Variants in WDR5 observed in about 807,000 individuals in gnomAD.
WDR5 encodes the protein WD repeat domain 5, also known as WD repeat-containing protein 5.
For synonymous variants in WDR5, 144 were observed against 161.6 expected, an observed-to-expected ratio of 0.89 and a Z score of 0.83; for missense variants, 187 against 416.9, an observed-to-expected ratio of 0.45 and a Z score of 4.80.
rs990788617 is a variant in WDR5, at chr9:134,136,082, G to A, written c.-177G>A. Reference sequence around the variant, plus strand: ...CCCTCCCCTCGCGCACGCGCACTGCGCCCCCGCCGCCTGGCGCCCGCCCGA... The same window carrying A: ...CCCTCCCCTCGCGCACGCGCACTGCACCCCCGCCGCCTGGCGCCCGCCCGA... On this transcript the variant is annotated 5_prime_UTR_variant, in exon 1 of 14. Coordinates refer to ENST00000358625, the MANE Select transcript of WDR5 (RefSeq NM_017588.3). The A allele has an allele frequency of 2.3e-5, 3 of 133,274 alleles. No homozygotes were observed. Among genetic ancestry groups the A allele is most frequent in the Admixed American group, 8.1e-5 (1 of 12,366 alleles). The allele number at this position is 133,274 out of a possible 1,614,324, so 8.3% of individuals were successfully genotyped here. A position where few individuals can be genotyped will look rare whatever the true frequency, so the allele number is the denominator to read the frequency against.
chr9:134,159,616 T>C lies in WDR5; in HGVS notation c.*1623T>C, dbSNP rs77395038. On this transcript the variant is annotated 3_prime_UTR_variant, in exon 14 of 14. Coordinates refer to ENST00000358625, the MANE Select transcript of WDR5 (RefSeq NM_017588.3). The surrounding 1 kb of genome is among the most constrained non-coding windows in gnomAD (Gnocchi z 4.3). ...TCCTGTGGTTTCCCCTGCCCCTCTG[T>C]TTCCGATGAGGTGTACGGATGAGTG... 0.038 allele frequency: 5,793 copies of C among 152,336 alleles called. 347 individuals are homozygous for C. The highest frequency in any genetic ancestry group is 0.13 in the African/African-American group (5,425 of 41,540). 9.4% of individuals were successfully genotyped at this position (152,336 alleles called of 1,614,324 possible). A position where few individuals can be genotyped will look rare whatever the true frequency, so the allele number is the denominator to read the frequency against.
At chr9:134,147,670 T>A (rs1246377639) in intron 7 of WDR5, among the ~76,000 whole-genome samples, 3 of 152,176 alleles carry the variant, frequency 2.0e-5, no homozygotes, top group Non-Finnish European at 4.4e-5. Context: ...AGGAAATGTT[T>A]CAGCACCCAT....
In WDR5 at chr9:134,142,208, G is replaced by A. The variant is rs552367131; in HGVS notation, c.355-125G>A. 374 of 1,208,526 alleles carry A rather than the reference G, an allele frequency of 3.1e-4. 2 individuals are homozygous for A. In the South Asian group the frequency reaches 4.8e-3, roughly 16 times the overall value. 74.9% of individuals were successfully genotyped at this position (1,208,526 alleles called of 1,614,324 possible). A position where few individuals can be genotyped will look rare whatever the true frequency, so the allele number is the denominator to read the frequency against. On this transcript the variant is annotated intron_variant, in intron 5 of 13. Coordinates refer to ENST00000358625, the MANE Select transcript of WDR5 (RefSeq NM_017588.3). ...GGTGGGGGAGGCCGAGTTGACTTCG[G>A]GGAACAGCAAGTCACTGGCGGGGCA...
rs1217290456 is a variant in WDR5 at position 134,158,078 on chromosome 9, G to T, written c.*85G>T. 7.9e-7 allele frequency: 1 copy of T among 1,258,006 alleles called. No individual in the cohort carries two copies. The highest frequency in any genetic ancestry group is 2.3e-5 in the East Asian group (1 of 42,754). The allele number at this position is 1,258,006 out of a possible 1,614,324, so 77.9% of individuals were successfully genotyped here. A position where few individuals can be genotyped will look rare whatever the true frequency, so the allele number is the denominator to read the frequency against. On this transcript the variant is annotated 3_prime_UTR_variant, in exon 14 of 14. Transcript: ENST00000358625. ...AGGGTGTCTTGGAGGTGGTCCCCCA[G>T]ATCTGCGCCTGGGGGTCAGGACAGG...
chr9:134,139,955 C>G lies in WDR5; in HGVS notation c.78C>G (p.Ser26Arg). 1.2e-6 allele frequency: 2 copies of G among 1,613,760 alleles called. No individual in the cohort carries two copies. The highest frequency in any genetic ancestry group is 1.7e-6 in the Non-Finnish European group (2 of 1,180,016). ...QPTPSSSATQ[S>R]KPTPVKPNYA... Reference sequence around the variant, plus strand: ...CCCCTTCGTCATCCGCCACTCAGAGCAAGGTGCGTGCCCAGGGGCCCCTTG... The same window carrying G: ...CCCCTTCGTCATCCGCCACTCAGAGGAAGGTGCGTGCCCAGGGGCCCCTTG... The change falls in exon 2 of 14, where the codon AGC (serine) becomes AGG (arginine). Residue 26 changes from serine to arginine, a missense_variant. Coordinates refer to ENST00000358625, the MANE Select transcript of WDR5 (RefSeq NM_017588.3).
At chr9:134,151,378 G>A (rs1453352051) in intron 8 of WDR5, among the ~76,000 whole-genome samples, 1 of 152,162 alleles carries the variant, frequency 6.6e-6, no homozygotes, top group Non-Finnish European at 1.5e-5. Flanking sequence ...ATTTGTCCAC[G>A]TGTGACCCGA....
At position 134,157,746 on chromosome 9, in the gene WDR5, GT is replaced by G. The variant is rs1295498777; in HGVS notation, c.905-146del. The G allele has an allele frequency of 1.8e-5, 12 of 658,744 alleles. No homozygotes were observed. The highest frequency in any genetic ancestry group is 3.6e-5 in the African/African-American group (2 of 54,922). 40.8% of individuals were successfully genotyped at this position (658,744 alleles called of 1,614,324 possible). On this transcript the variant is annotated intron_variant, in intron 13 of 13. Coordinates refer to ENST00000358625, the MANE Select transcript of WDR5 (RefSeq NM_017588.3). The surrounding 1 kb of genome is among the most constrained non-coding windows in gnomAD (Gnocchi z 5.0). ...CTCCCCTGGGCTCCCTGTGTCGAAG[GT>G]GGGCAGTGGGTGCTTGTCCTGTGAC...
At chr9:134,141,163 G>C (rs1831868208) in intron 3 of WDR5, among the ~76,000 whole-genome samples, 1 of 152,210 alleles carries the variant, frequency 6.6e-6, no homozygotes, top group South Asian at 2.1e-4. Context: ...GCACATGCCT[G>C]TAGTCCCAGC....
chr9:134,156,012 C>T (rs560980399), intron 12 of WDR5, among the ~76,000 whole-genome samples: 71 of 152,358 alleles, frequency 4.7e-4, no homozygotes, highest in Middle Eastern at 6.8e-3. Context: ...TGGTTGACAC[C>T]TTCCGAGGGC....
intron 2 of WDR5, among the ~76,000 whole-genome samples, 178 bp downstream of exon 2, chr9:134,140,136 A>G (rs1831805463): frequency 6.6e-6 from 1 of 152,220 alleles, no homozygotes; most frequent in Non-Finnish European, 1.5e-5. Context: ...GGGATCCCAA[A>G]TCTGTCACCT....
chr9:134,151,756 A>C (rs986666588), intron 8 of WDR5, among the ~76,000 whole-genome samples: 1 of 152,140 alleles, frequency 6.6e-6, no homozygotes, highest in Non-Finnish European at 1.5e-5. Context: ...GGTACCCCAC[A>C]CATGGTCTGC....
chr9:134,135,772 C>T (rs1040892456), upstream of WDR5: 6 of 152,192 alleles, frequency 3.9e-5, no homozygotes, highest in South Asian at 2.1e-4. Flanking sequence ...GCGCAGGTCC[C>T]GGAGGGCCGC....
At chr9:134,147,469 C>G (rs941375888) in intron 7 of WDR5, among the ~76,000 whole-genome samples, 1 of 152,162 alleles carries the variant, frequency 6.6e-6, no homozygotes, top group East Asian at 1.9e-4. Context: ...CTATAGGCAT[C>G]TAGTGAGCAA....
At chr9:134,156,219 G>A (rs894613337) in intron 12 of WDR5, among the ~76,000 whole-genome samples, 2 of 152,368 alleles carry the variant, frequency 1.3e-5, no homozygotes, top group Non-Finnish European at 2.9e-5. Context: ...AGAAAAGGGT[G>A]ACCTGAGAAG....
intron 1 of WDR5, among the ~76,000 whole-genome samples, chr9:134,136,837 C>T (rs933719122): frequency 1.3e-5 from 2 of 152,202 alleles, no homozygotes; most frequent in African/African-American, 4.8e-5. Context: ...AACGACACTC[C>T]CTGCTGTCTC....
intron 13 of WDR5, 67 bp downstream of exon 13, chr9:134,156,660 CGTGGT>C: frequency 6.5e-7 from 1 of 1,534,920 alleles, no homozygotes; most frequent in Non-Finnish European, 9.0e-7. Context: ...GCAGGTGAAG[CGTGGT>C]GTGCCCGTAG....
intron 7 of WDR5, among the ~76,000 whole-genome samples, chr9:134,145,568 C>T (rs1191562618): frequency 1.3e-5 from 2 of 152,198 alleles, no homozygotes; most frequent in Admixed American, 6.5e-5. Context: ...GCCGTTTGTG[C>T]GGGATGGCTT....
At chr9:134,152,817 C>G (rs1832562313) in intron 9 of WDR5, among the ~76,000 whole-genome samples, 1 of 152,180 alleles carries the variant, frequency 6.6e-6, no homozygotes, top group Non-Finnish European at 1.5e-5. Context: ...GAATGTGTCT[C>G]CCCGCAGTCC....
intron 7 of WDR5, among the ~76,000 whole-genome samples, chr9:134,144,522 G>A (rs1296836502): frequency 1.3e-5 from 2 of 152,052 alleles, no homozygotes; most frequent in Non-Finnish European, 2.9e-5. Flanking sequence ...TTTTTCTTAC[G>A]AAAGTCACGT....
Sources: allele counts gnomAD v4.1 joint callset (sites outside exome capture counted in the v4.1 genomes callset), GRCh38; gene constraint gnomAD v4.1.1; non-coding constraint Gnocchi (gnomAD v3.1); transcripts MANE v1.5; gene names NCBI Gene and HGNC (gene_info 2026-07-23, HGNC 2026-07-21).